Variants in TAL1 observed in about 807,000 individuals in gnomAD.
TAL1 encodes the protein T-cell acute lymphocytic leukemia protein 1.
In TAL1, 8 loss-of-function variants were observed where a neutral mutation model predicts 17.9. The observed-to-expected ratio is 0.45, with a 90% CI of 0.26 to 0.81. The LOEUF (loss-of-function observed/expected upper bound fraction) is 0.81, where lower values mean the gene tolerates loss of function less well. TAL1 is among the 30% of genes least tolerant of loss of function. The pLI is 0.17. For synonymous variants in TAL1, 223 were observed against 218.6 expected, an observed-to-expected ratio of 1.02 and a Z score of -0.18; for missense variants, 466 against 486.9, an observed-to-expected ratio of 0.96 and a Z score of 0.40.
intron 2 of TAL1, 84 bp from the exon 4 acceptor site, chr1:47,224,182 C>A: frequency 2.9e-6 from 4 of 1,376,006 alleles, no homozygotes; most frequent in Non-Finnish European, 4.1e-6. Flanking sequence ...CCCCACATGT[C>A]TTGAGCCCCC....
chr1:47,219,189 C>A, exon 4 of TAL1: 1 of 432,254 alleles, frequency 2.3e-6, no homozygotes, highest in Non-Finnish European at 4.4e-6. Context: ...AGGCTTGTGA[C>A]TCTGCAGCAT....
chr1:47,225,955 GC>G, intron 1 of TAL1, 66 bp from the exon 3 acceptor site: 1 of 1,500,414 alleles, frequency 6.7e-7, no homozygotes, highest in Non-Finnish European at 8.9e-7. Context: ...ACCGACGTGG[GC>G]TGGGGTAAAG....
At chr1:47,219,222 A>G (rs1645559562) in exon 4 of TAL1, 1 of 442,468 alleles carries the variant, frequency 2.3e-6, no homozygotes, top group East Asian at 4.0e-5. Context: ...ATGGATCAAC[A>G]TAGGCCTGGG....
At chr1:47,229,272 A>G in exon 1 of TAL1, 1 of 207,688 alleles carries the variant, frequency 4.8e-6, no homozygotes, top group East Asian at 7.2e-5. Context: ...GCCGAGGAAG[A>G]GGATGCACAC....
chr1:47,225,722 G>C, exon 2 of TAL1: 1 of 1,488,250 alleles, frequency 6.7e-7, no homozygotes, highest in Non-Finnish European at 8.9e-7. Flanking sequence ...GCCTCCGCGC[G>C]CGCCCAGTTC....
At chr1:47,223,042 G>A (rs1312076740) in intron 3 of TAL1, among the ~76,000 whole-genome samples, 1 of 152,094 alleles carries the variant, frequency 6.6e-6, no homozygotes, top group African/African-American at 2.4e-5. Flanking sequence ...TTTCTGTTGT[G>A]CAGATCCCAG....
chr1:47,219,343 A>T (rs764749756), exon 4 of TAL1: 2 of 544,760 alleles, frequency 3.7e-6, no homozygotes, highest in Non-Finnish European at 7.0e-6. Context: ...CAAGGCAGAG[A>T]CTGCTGGATG....
exon 4 of TAL1, chr1:47,217,539 G>A (rs560028316): frequency 2.4e-4 from 96 of 398,570 alleles, no homozygotes; most frequent in Non-Finnish European, 3.7e-4. Context: ...CTCAGGCTGC[G>A]AAACCCCACT....
chr1:47,218,080 C>T, exon 4 of TAL1: 1 of 272,748 alleles, frequency 3.7e-6, no homozygotes, highest in Non-Finnish European at 6.9e-6. Flanking sequence ...AGCCACTAGG[C>T]TGAAGCCCAA....
exon 4 of TAL1, chr1:47,220,025 G>A: frequency 6.2e-7 from 1 of 1,613,624 alleles, no homozygotes; most frequent in Non-Finnish European, 8.5e-7. Flanking sequence ...TTCATGGCCA[G>A]GCGGAGGATC....
At chr1:47,218,022 T>A (rs1645533596) in exon 4 of TAL1, 2 of 337,158 alleles carry the variant, frequency 5.9e-6, no homozygotes, top group Non-Finnish European at 5.3e-6. Context: ...AGCAGACATA[T>A]TCTCTGTCTG....
At chr1:47,230,950 G>A (rs1644002047), upstream of TAL1, 1 of 152,200 alleles carries the variant, frequency 6.6e-6, no homozygotes, top group African/African-American at 2.4e-5. Flanking sequence ...AGGTGATCCC[G>A]AATGTCCCCA....
exon 4 of TAL1, chr1:47,219,740 C>T (rs983600552): frequency 1.9e-6 from 3 of 1,610,114 alleles, no homozygotes; most frequent in Non-Finnish European, 2.5e-6. Context: ...CCGGCTCCAT[C>T]GGCGGCAGGC....
chr1:47,219,742 G>A, exon 4 of TAL1: 3 of 1,610,306 alleles, frequency 1.9e-6, no homozygotes, highest in Non-Finnish European at 2.5e-6. Flanking sequence ...GGCTCCATCG[G>A]CGGCAGGCAG....
exon 2 of TAL1, chr1:47,225,868 G>A (rs970296024): frequency 6.3e-7 from 1 of 1,580,930 alleles, no homozygotes; most frequent in Non-Finnish European, 8.5e-7. Flanking sequence ...GAGCCGCCTC[G>A]CTCGGCGGCC....
chr1:47,218,241 T>C lies in TAL1; in HGVS notation c.*1479A>G, dbSNP rs547749786. Reference sequence around the variant, plus strand: ...GGGTACAATGACAGACATACAGGACTTCTGTGCAATTTGTCCCATGGGCTT... The same window carrying C: ...GGGTACAATGACAGACATACAGGACCTCTGTGCAATTTGTCCCATGGGCTT... On this transcript the variant is annotated 3_prime_UTR_variant, in exon 4 of 4. Coordinates refer to ENST00000294339, the Ensembl canonical transcript of TAL1. 3.0e-5 allele frequency: 7 copies of C among 233,462 alleles called. No individual in the cohort carries two copies. In the South Asian group the frequency reaches 1.3e-3, roughly 42 times the overall value. The allele number at this position is 233,462 out of a possible 1,614,324, so 14.5% of individuals were successfully genotyped here.
exon 4 of TAL1, chr1:47,216,827 C>A (rs553519707): frequency 1.3e-5 from 3 of 231,480 alleles, no homozygotes; most frequent in Non-Finnish European, 2.6e-5. Context: ...GTTCTTTCCC[C>A]TTTGTACAGA....
exon 4 of TAL1, chr1:47,216,658 G>A (rs71645856): frequency 3.0e-5 from 7 of 231,702 alleles, no homozygotes; most frequent in Non-Finnish European, 4.3e-5. Context: ...CAGATGCTGT[G>A]CCCTTTGTTT....
exon 4 of TAL1, chr1:47,218,149 G>A (rs757618698): frequency 3.7e-4 from 90 of 241,852 alleles, no homozygotes; most frequent in Non-Finnish European, 3.1e-4. Context: ...GGCAGGACAG[G>A]GCCACAGGCT....
Sources: allele counts gnomAD v4.1 joint callset (sites outside exome capture counted in the v4.1 genomes callset), GRCh38; gene constraint gnomAD v4.1.1; transcripts MANE v1.5; gene names NCBI Gene and HGNC (gene_info 2026-07-23, HGNC 2026-07-21).